The following HOMER2 variants were observed in gnomAD, a reference collection of about 807,000 sequenced individuals.
The protein encoded by HOMER2 is homer protein homolog 2.
Under a neutral mutation model 47.0 loss-of-function variants are expected in HOMER2, and 27 were observed. The observed-to-expected ratio is 0.57, with a 90% CI of 0.42 to 0.79. HOMER2 has a LOEUF of 0.79. Among genes scored for constraint, HOMER2 ranks in the 30% least tolerant of loss-of-function variants. The probability of loss-of-function intolerance (pLI) is 0.00; values close to 1 mark genes in which losing one functional copy is unlikely to be tolerated. For missense variants in HOMER2, 443 were observed against 435.0 expected, an observed-to-expected ratio of 1.02 and a Z score of -0.16; for synonymous variants, 161 against 163.8, an observed-to-expected ratio of 0.98 and a Z score of 0.13.
chr15:82,854,085 G>A (rs2051487551), intron 6 of HOMER2, among the ~76,000 whole-genome samples: 1 of 152,144 alleles, frequency 6.6e-6, no homozygotes, highest in Non-Finnish European at 1.5e-5. Context: ...CTCAGTAAGA[G>A]GAATTATAAA....
chr15:82,901,503 C>T (rs1471242218), intron 1 of HOMER2, among the ~76,000 whole-genome samples: 3 of 152,232 alleles, frequency 2.0e-5, no homozygotes, highest in South Asian at 2.1e-4. Flanking sequence ...CACCTCCACA[C>T]ATATATCTCC....
At chr15:82,882,650 G>A (rs958660262) in intron 2 of HOMER2, among the ~76,000 whole-genome samples, 2 of 152,212 alleles carry the variant, frequency 1.3e-5, no homozygotes, top group Non-Finnish European at 2.9e-5. Flanking sequence ...ACTGCTTCCA[G>A]AAGGAGGAGA....
At chr15:82,896,936 C>T (rs1158560261) in intron 1 of HOMER2, among the ~76,000 whole-genome samples, 1 of 152,186 alleles carries the variant, frequency 6.6e-6, no homozygotes, top group Non-Finnish European at 1.5e-5. Context: ...TAGGCTCGCT[C>T]TCCACTTTGA....
chr15:82,924,826 A>AAATCT, intron 1 of HOMER2, among the ~76,000 whole-genome samples: 1 of 152,328 alleles, frequency 6.6e-6, no homozygotes, highest in East Asian at 1.9e-4. Context: ...AGAAAGGAAA[A>AAATCT]AAAGATTAAG....
At position 82,890,014 on chromosome 15, in the gene HOMER2, T is replaced by C. The variant is rs77183842; in HGVS notation, c.162+2671A>G. Reference sequence around the variant, plus strand: ...TGCTTCCTTTTGCAGAAGGAGGCTCTGTCATGGATCTCTGGTGCCACAGCA... The same window carrying C: ...TGCTTCCTTTTGCAGAAGGAGGCTCCGTCATGGATCTCTGGTGCCACAGCA... On this transcript the variant is annotated intron_variant, in intron 2 of 8. Coordinates refer to ENST00000450735, the MANE Select transcript of HOMER2 (RefSeq NM_004839.4). Among the ~76,000 whole-genome samples, 885 of 152,310 alleles carry C rather than the reference T, an allele frequency of 5.8e-3. 25 individuals carry two copies. Among genetic ancestry groups the C allele is most frequent in the Admixed American group, 0.052 (796 of 15,298 alleles).
downstream of HOMER2, chr15:82,843,984 C>G (rs571732269): frequency 1.3e-5 from 2 of 152,274 alleles, no homozygotes; most frequent in South Asian, 4.1e-4. Context: ...GTGAGGGTAA[C>G]ATGAAGGGAG....
intron 1 of HOMER2, among the ~76,000 whole-genome samples, chr15:82,897,254 C>T (rs372912576): frequency 1.1e-4 from 17 of 151,728 alleles, no homozygotes; most frequent in African/African-American, 2.9e-4. Context: ...TTAGTAGAGA[C>T]GGGGTTTCAC....
chr15:82,854,658 G>C lies in HOMER2; in HGVS notation c.637C>G (p.Arg213Gly). Residue 213 changes from arginine to glycine, a missense_variant, in exon 6 of 9, where the codon CGG (arginine) becomes GGG (glycine). Coordinates refer to ENST00000450735, the MANE Select transcript of HOMER2 (RefSeq NM_004839.4). ...ACCGTACCCACCTTGTTGCGGAGCCGGTCATTCTCATCACGGCAGATGGAG... is the reference window on the plus strand; with the variant it reads ...ACCGTACCCACCTTGTTGCGGAGCCCGTCATTCTCATCACGGCAGATGGAG... ...QFSICRDENDRLRNKIDELEE... is the reference protein window; with the variant it reads ...QFSICRDENDGLRNKIDELEE... The C allele has an allele frequency of 6.2e-7, 1 of 1,612,498 alleles. No homozygotes were observed. The highest frequency in any genetic ancestry group is 2.2e-5 in the East Asian group (1 of 44,826).
At chr15:82,907,775 ATC>A (rs1372392423) in intron 1 of HOMER2, among the ~76,000 whole-genome samples, 1 of 152,228 alleles carries the variant, frequency 6.6e-6, no homozygotes, top group Non-Finnish European at 1.5e-5. Context: ...ATTATATAAT[ATC>A]TGTTTTCATA....
chr15:82,946,016 A>C (rs1276072032), intron 1 of HOMER2, among the ~76,000 whole-genome samples: 1 of 152,120 alleles, frequency 6.6e-6, no homozygotes, highest in Non-Finnish European at 1.5e-5. Context: ...GGTAAAGACA[A>C]AACAAGGGTA....
At chr15:82,865,573 CAAA>C (rs147961463) in intron 3 of HOMER2, among the ~76,000 whole-genome samples, 1 of 152,236 alleles carries the variant, frequency 6.6e-6, no homozygotes, top group Non-Finnish European at 1.5e-5. Context: ...ATGTGAGAAT[CAAA>C]AAGAAAATTT....
At position 82,851,179 on chromosome 15, in the gene HOMER2, T is replaced by C. The variant is rs1422134890; in HGVS notation, c.815A>G (p.Glu272Gly). 1.3e-6 allele frequency: 2 copies of C among 1,578,206 alleles called. No individual in the cohort carries two copies. The highest frequency in any genetic ancestry group is 2.3e-5 in the East Asian group (1 of 43,688). Residue 272 changes from glutamate to glycine, a missense_variant, in exon 8 of 9, where the codon GAG becomes GGG. Glu to Gly is a moderately conservative substitution (Grantham distance 98). Transcript: ENST00000450735. Reference sequence around the variant, plus strand: ...TAGCTTCTCAGAGACATATTCGCACTCTGACATGAGCTGAGGTATGATTTC... The same window carrying C: ...TAGCTTCTCAGAGACATATTCGCACCCTGACATGAGCTGAGGTATGATTTC... ...QSEIIPQLMSECEYVSEKLEA... is the reference protein window; with the variant it reads ...QSEIIPQLMSGCEYVSEKLEA...
At chr15:82,874,700 A>C (rs1473545398) in intron 3 of HOMER2, among the ~76,000 whole-genome samples, 1 of 152,218 alleles carries the variant, frequency 6.6e-6, no homozygotes, top group African/African-American at 2.4e-5. Flanking sequence ...CGCTTCCATT[A>C]TGCATCACCT....
At chr15:82,841,627 G>C (rs1277593966) in exon 2 of HOMER2, 1 of 152,116 alleles carries the variant, frequency 6.6e-6, no homozygotes, top group Non-Finnish European at 1.5e-5. Flanking sequence ...GTGATGAGTT[G>C]AGAAAGTGAA....
At chr15:82,936,294 C>G (rs996372138) in intron 1 of HOMER2, among the ~76,000 whole-genome samples, 2 of 152,182 alleles carry the variant, frequency 1.3e-5, no homozygotes, top group Non-Finnish European at 1.5e-5. Context: ...GCTTTTTTCC[C>G]TCTGGCACTA....
chr15:82,906,022 T>G (rs1278014459), intron 1 of HOMER2, among the ~76,000 whole-genome samples: 1 of 152,222 alleles, frequency 6.6e-6, no homozygotes, highest in East Asian at 1.9e-4. Context: ...GACAGGATGA[T>G]ATAAGCTATG....
chr15:82,937,413 A>G (rs1430530727), intron 1 of HOMER2, among the ~76,000 whole-genome samples: 1 of 152,156 alleles, frequency 6.6e-6, no homozygotes, highest in Non-Finnish European at 1.5e-5. Flanking sequence ...CAATCAGCCC[A>G]TATTCCCTGA....
At chr15:82,931,505 A>G (rs1158673981) in intron 1 of HOMER2, among the ~76,000 whole-genome samples, 2 of 151,346 alleles carry the variant, frequency 1.3e-5, no homozygotes, top group Non-Finnish European at 2.9e-5. Flanking sequence ...GTTTTTCAGA[A>G]TATTTCATCC....
chr15:82,915,494 A>C (rs1402843651), intron 1 of HOMER2, among the ~76,000 whole-genome samples: 1 of 152,034 alleles, frequency 6.6e-6, no homozygotes, highest in Non-Finnish European at 1.5e-5. Flanking sequence ...GGATCACTTG[A>C]GCCTAGGAGT....
Sources: gnomAD v4.1 joint callset for allele counts (sites outside exome capture counted in the v4.1 genomes callset) on GRCh38, gnomAD v4.1.1 for gene constraint, MANE v1.5 for transcripts, NCBI Gene and HGNC (gene_info 2026-07-23, HGNC 2026-07-21) for gene names.